Variants in RBFOX1 observed in about 807,000 individuals in gnomAD.
RBFOX1 encodes the protein RNA binding protein fox-1 homolog 1.
A neutral mutation model predicts 57.7 loss-of-function variants in RBFOX1; 8 were observed. That is an observed-to-expected ratio of 0.14 (90% CI 0.08 to 0.25). The LOEUF (loss-of-function observed/expected upper bound fraction) is 0.25. Ranked by LOEUF, RBFOX1 falls within the 10% of genes least tolerant of loss-of-function variation. The pLI is 1.00. For synonymous variants in RBFOX1, 326 were observed against 222.4 expected, an observed-to-expected ratio of 1.47 and a Z score of -4.15; for missense variants, 611 against 548.5, an observed-to-expected ratio of 1.11 and a Z score of -1.14.
At chr16:6,310,901 TAA>T (rs200121160) in intron 1 of RBFOX1, among the ~76,000 whole-genome samples, 1,550 of 140,388 alleles carry the variant, frequency 0.011, 31 homozygotes, top group African/African-American at 0.037. Context: ...ACCAGTGGTT[TAA>T]AAAAAAAAAA....
chr16:6,665,773 T>C (rs184112062), intron 3 of RBFOX1, among the ~76,000 whole-genome samples: 1 of 152,288 alleles, frequency 6.6e-6, no homozygotes, highest in East Asian at 1.9e-4. Flanking sequence ...TTTTTAGTAC[T>C]TTATGCATAT....
intron 1 of RBFOX1, chr16:5,260,881 A>T (rs1184707102): frequency 6.6e-6 from 1 of 152,270 alleles, no homozygotes; most frequent in Non-Finnish European, 1.5e-5. Flanking sequence ...AACCACCATC[A>T]AAATGGGTTC....
intron 4 of RBFOX1, among the ~76,000 whole-genome samples, chr16:7,158,897 G>C (rs954641716): frequency 1.3e-5 from 2 of 152,080 alleles, no homozygotes; most frequent in African/African-American, 4.8e-5. Flanking sequence ...GCACACGTGT[G>C]TGTAATTATT....
chr16:6,815,075 A>C (rs149773227), intron 3 of RBFOX1, among the ~76,000 whole-genome samples: 11 of 152,268 alleles, frequency 7.2e-5, no homozygotes, highest in African/African-American at 2.6e-4. Context: ...AGCGGTAGGC[A>C]ATGACTAGAA....
chr16:5,542,395 T>G (rs2044994588), intron 2 of RBFOX1, among the ~76,000 whole-genome samples: 1 of 151,612 alleles, frequency 6.6e-6, no homozygotes, highest in African/African-American at 2.4e-5. Context: ...ATTACAGGCA[T>G]GCGCCACCAT....
chr16:6,161,882 C>T (rs913050702), intron 1 of RBFOX1, among the ~76,000 whole-genome samples: 1 of 152,206 alleles, frequency 6.6e-6, no homozygotes, highest in Admixed American at 6.5e-5. Context: ...TAGGTTGAAC[C>T]AAAGGAGGTG....
At chr16:5,719,360 C>A (rs374512982) in intron 3 of RBFOX1, among the ~76,000 whole-genome samples, 1 of 148,372 alleles carries the variant, frequency 6.7e-6, no homozygotes, top group Non-Finnish European at 1.5e-5. Context: ...TGCCACCATG[C>A]CCGGCTAATT....
At chr16:7,197,692 T>A (rs2087090774) in intron 4 of RBFOX1, among the ~76,000 whole-genome samples, 1 of 152,124 alleles carries the variant, frequency 6.6e-6, no homozygotes, top group Admixed American at 6.6e-5. Context: ...CATCACCAGG[T>A]GTGTGGATAA....
chr16:5,691,026 T>C (rs1318810608), intron 3 of RBFOX1, among the ~76,000 whole-genome samples: 1 of 152,152 alleles, frequency 6.6e-6, no homozygotes, highest in East Asian at 1.9e-4. Flanking sequence ...GAACAAAATT[T>C]TGAGTACAGT....
At chr16:5,896,187 C>G (rs1232156321) in intron 4 of RBFOX1, among the ~76,000 whole-genome samples, 1 of 152,170 alleles carries the variant, frequency 6.6e-6, no homozygotes, top group Non-Finnish European at 1.5e-5. Context: ...GTCCCCACAG[C>G]TGGTCTCATC....
intron 3 of RBFOX1, among the ~76,000 whole-genome samples, chr16:6,899,080 A>G (rs956060727): frequency 8.6e-6 from 1 of 116,308 alleles, no homozygotes; most frequent in Non-Finnish European, 1.7e-5. Context: ...ACACACATGT[A>G]CACGTGTATA....
At chr16:5,852,350 G>T (rs1268447981) in intron 3 of RBFOX1, among the ~76,000 whole-genome samples, 1 of 152,212 alleles carries the variant, frequency 6.6e-6, no homozygotes, top group Non-Finnish European at 1.5e-5. Context: ...CTGTCTAGAG[G>T]TGAGGGAAGG....
intron 1 of RBFOX1, among the ~76,000 whole-genome samples, chr16:6,036,052 C>G (rs1244124653): frequency 6.6e-6 from 1 of 152,136 alleles, no homozygotes; most frequent in Non-Finnish European, 1.5e-5. Flanking sequence ...CATCTCTCTC[C>G]CCTCCACCAC....
At chr16:6,780,264 TTTATAC>T (rs2080592305) in intron 3 of RBFOX1, among the ~76,000 whole-genome samples, 2 of 81,692 alleles carry the variant, frequency 2.4e-5, no homozygotes, top group African/African-American at 1.1e-4. Context: ...TATATATATA[TTTATAC>T]ATATATATAT....
intron 3 of RBFOX1, chr16:6,704,225 C>G (rs2062328890): frequency 6.6e-6 from 1 of 152,256 alleles, no homozygotes; most frequent in African/African-American, 2.4e-5. Flanking sequence ...GCCTAACTTT[C>G]ACGCAGCTAG....
chr16:7,131,378 A>G (rs936529867), intron 4 of RBFOX1, among the ~76,000 whole-genome samples: 2 of 148,196 alleles, frequency 1.3e-5, no homozygotes, highest in African/African-American at 2.5e-5. Flanking sequence ...AAAAAAAAAA[A>G]AGAATCATAG....
chr16:5,422,799 A>AAGAGGAGGAGGAGGAGGGAGTG (rs2067385049), intron 1 of RBFOX1, among the ~76,000 whole-genome samples: 1 of 117,500 alleles, frequency 8.5e-6, no homozygotes, highest in Admixed American at 8.3e-5. Context: ...AGTGGGAAGA[A>AAGAGGAGGAGGAGGAGGGAGTG]AGAGGAGGAG....
chr16:6,337,978 C>T lies in RBFOX1; in HGVS notation c.-64+20921C>T, dbSNP rs138497111. The stretch of plus-strand genomic sequence containing the variant: ...TGGCATTTTCACAAAGTCAGAAAAG[C>T]GACAGTTTTATTCTCAAGGTTTTGT... On this transcript the variant is annotated intron_variant, in intron 2 of 15. Transcript: ENST00000550418. Among the ~76,000 whole-genome samples the T allele has an allele frequency of 1.2e-3, 185 of 152,222 alleles. 1 individual carries two copies. The highest frequency in any genetic ancestry group is 3.2e-3 in the African/African-American group (132 of 41,540).
chr16:6,746,543 G>GGCA (rs1260529862), intron 3 of RBFOX1, among the ~76,000 whole-genome samples: 2 of 151,944 alleles, frequency 1.3e-5, no homozygotes, highest in African/African-American at 4.8e-5. Flanking sequence ...CGGGCATGAT[G>GGCA]GCACATGTCT....
Sources: allele counts gnomAD v4.1 joint callset (sites outside exome capture counted in the v4.1 genomes callset), GRCh38; gene constraint gnomAD v4.1.1; transcripts MANE v1.5; gene names NCBI Gene and HGNC (gene_info 2026-07-23, HGNC 2026-07-21).